The following CCDC178 variants were observed in gnomAD, a reference collection of about 807,000 sequenced individuals.
CCDC178 encodes the protein coiled-coil domain-containing protein 178.
In CCDC178, 126 loss-of-function variants were observed where a neutral mutation model predicts 117.4. The observed-to-expected ratio is 1.07, with a 90% CI of 0.93 to 1.24. The LOEUF is 1.24. CCDC178 is among the 50% of genes most tolerant of loss of function. The pLI, the probability that CCDC178 is intolerant of heterozygous loss-of-function variation, is 0.00. For missense variants in CCDC178, 1,030 were observed against 986.9 expected, an observed-to-expected ratio of 1.04 and a Z score of -0.59; for synonymous variants, 283 against 313.4, an observed-to-expected ratio of 0.90 and a Z score of 1.02.
At chr18:33,104,452 C>A (rs2057675643) in intron 20 of CCDC178, among the ~76,000 whole-genome samples, 1 of 151,600 alleles carries the variant, frequency 6.6e-6, no homozygotes, top group Non-Finnish European at 1.5e-5. Context: ...ATTTTTCTAT[C>A]TTCTCTTTTC....
At chr18:33,432,894 G>A (rs1326220983) in intron 2 of CCDC178, among the ~76,000 whole-genome samples, 1 of 152,134 alleles carries the variant, frequency 6.6e-6, no homozygotes, top group Non-Finnish European at 1.5e-5. Flanking sequence ...TGGTATTAAG[G>A]CATATGAAAT....
At chr18:33,315,446 C>T (rs560029477) in intron 11 of CCDC178, among the ~76,000 whole-genome samples, 2 of 152,158 alleles carry the variant, frequency 1.3e-5, no homozygotes, top group African/African-American at 2.4e-5. Flanking sequence ...TGATTTCACC[C>T]GGTTTCTACC....
intron 21 of CCDC178, among the ~76,000 whole-genome samples, chr18:33,053,000 C>T (rs1006416685): frequency 2.0e-5 from 3 of 152,214 alleles, no homozygotes; most frequent in Admixed American, 6.5e-5. Context: ...CCAATGATTG[C>T]AACATAGCCT....
intron 20 of CCDC178, among the ~76,000 whole-genome samples, chr18:33,107,063 G>T (rs1162487054): frequency 1.3e-5 from 2 of 151,658 alleles, no homozygotes; most frequent in East Asian, 3.9e-4. Context: ...GGGGAATACA[G>T]CCCTGGCAAC....
chr18:33,220,572 A>G (rs187972834), intron 18 of CCDC178, among the ~76,000 whole-genome samples: 127 of 152,180 alleles, frequency 8.3e-4, no homozygotes, highest in African/African-American at 3.0e-3. Context: ...CTACTTGGGA[A>G]TTTAACCTCT....
intron 11 of CCDC178, 84 bp from the exon 12 acceptor site, chr18:33,293,396 C>T: frequency 2.4e-6 from 2 of 833,244 alleles, no homozygotes; most frequent in South Asian, 2.1e-5. Context: ...CTTGGTGGCT[C>T]ATGCCTGTAA....
At chr18:33,400,781 C>A (rs1433016542) in intron 3 of CCDC178, among the ~76,000 whole-genome samples, 1 of 152,148 alleles carries the variant, frequency 6.6e-6, no homozygotes, top group East Asian at 1.9e-4. Flanking sequence ...ACGTTTAATT[C>A]CCTTCAAGAA....
At chr18:33,415,513 G>C (rs946984943) in intron 2 of CCDC178, among the ~76,000 whole-genome samples, 1 of 150,326 alleles carries the variant, frequency 6.7e-6, no homozygotes, top group Non-Finnish European at 1.5e-5. Context: ...AGAACACATG[G>C]ACACAGGAAG....
chr18:33,193,112 A>C (rs1598984254), intron 20 of CCDC178, among the ~76,000 whole-genome samples: 1 of 149,806 alleles, frequency 6.7e-6, no homozygotes, highest in African/African-American at 2.5e-5. Context: ...AATACAAAAA[A>C]ATTAGCCGGG....
chr18:33,092,783 G>A lies in CCDC178; in HGVS notation c.2366C>T (p.Thr789Ile), dbSNP rs760202538. 2 of 1,532,460 alleles carry A rather than the reference G, an allele frequency of 1.3e-6. No homozygotes were observed. Among genetic ancestry groups the A allele is most frequent in the African/African-American group, 1.4e-5 (1 of 71,678 alleles). The allele number at this position is 1,532,460 out of a possible 1,614,324, so 94.9% of individuals were successfully genotyped here. A position where few individuals can be genotyped will look rare whatever the true frequency, so the allele number is the denominator to read the frequency against. The change falls in exon 21 of 23, where the codon ACT (threonine) becomes ATT (isoleucine). Residue 789 changes from threonine (T) to isoleucine (I), a missense_variant. Thr to Ile is a moderately conservative substitution (Grantham distance 89). Coordinates refer to ENST00000383096, the MANE Select transcript of CCDC178 (RefSeq NM_001105528.4). ...NIYDKQLSLD[T>I]SIRDKKQLCQ... is the part of the protein sequence containing the mutation. ...TACCTGTTTCTTATCTCTAATTGAAGTATCAAGTGATAGCTGTTTATCATA... is the reference window on the plus strand; with the variant it reads ...TACCTGTTTCTTATCTCTAATTGAAATATCAAGTGATAGCTGTTTATCATA...
chr18:33,059,254 A>C (rs531977856), intron 21 of CCDC178, among the ~76,000 whole-genome samples: 35 of 152,260 alleles, frequency 2.3e-4, no homozygotes, highest in Middle Eastern at 3.4e-3. Context: ...GGAAGTATTG[A>C]CTCAAAAGCA....
intron 5 of CCDC178, among the ~76,000 whole-genome samples, chr18:33,388,537 T>TTTTTTTTTTTTTTTTG: frequency 8.6e-6 from 1 of 115,850 alleles, no homozygotes; most frequent in African/African-American, 3.3e-5. Flanking sequence ...TTTTTTTTTT[T>TTTTTTTTTTTTTTTTG]GAGACGGAGT....
rs79797090 is a variant in CCDC178 at position 33,282,514 on chromosome 18, C to A, written c.1176+10645G>T. 9.5e-3 allele frequency among the ~76,000 whole-genome samples: 1,452 copies of A among 152,268 alleles called. 16 individuals are homozygous for A. Among genetic ancestry groups the A allele is most frequent in the Non-Finnish European group, 0.017 (1,124 of 68,008 alleles). On this transcript the variant is annotated intron_variant, in intron 12 of 22. Coordinates refer to ENST00000383096, the MANE Select transcript of CCDC178 (RefSeq NM_001105528.4). ...CTCCTGGGTCCCCAGCCTGGCCATA[C>A]TTGCTTATAGGGCAGTCTCGAGTGG...
At chr18:33,054,518 A>G (rs1225675154) in intron 21 of CCDC178, among the ~76,000 whole-genome samples, 1 of 152,122 alleles carries the variant, frequency 6.6e-6, no homozygotes, top group African/African-American at 2.4e-5. Flanking sequence ...GAGAACATGC[A>G]GTGTTTGGTT....
intron 20 of CCDC178, among the ~76,000 whole-genome samples, chr18:33,136,539 G>A (rs2058128933): frequency 6.6e-6 from 1 of 152,096 alleles, no homozygotes; most frequent in Non-Finnish European, 1.5e-5. Flanking sequence ...CTTAGCAATA[G>A]AGCAACAGGG....
intron 6 of CCDC178, among the ~76,000 whole-genome samples, chr18:33,361,743 C>G (rs1489353967): frequency 6.6e-6 from 1 of 151,774 alleles, no homozygotes; most frequent in East Asian, 1.9e-4. Context: ...CAAATTAAAA[C>G]CACTATGAGA....
intron 21 of CCDC178, among the ~76,000 whole-genome samples, chr18:33,063,167 G>C (rs574658348): frequency 6.6e-6 from 1 of 152,278 alleles, no homozygotes; most frequent in East Asian, 1.9e-4. Flanking sequence ...ATTGCCACTG[G>C]CATTGCACAG....
At chr18:32,972,624 G>T (rs1300854338) in intron 22 of CCDC178, among the ~76,000 whole-genome samples, 3 of 151,938 alleles carry the variant, frequency 2.0e-5, no homozygotes. Context: ...GCAGAAACAG[G>T]GAAGAGTATA....
rs2057816587 is a variant in CCDC178 at position 33,113,860 on chromosome 18, C to G, written c.2239-20950G>C. 3.9e-5 allele frequency among the ~76,000 whole-genome samples: 6 copies of G among 152,090 alleles called. No homozygotes were observed. In the South Asian group the frequency reaches 1.2e-3, roughly 32 times the overall value. Reference sequence around the variant, plus strand: ...AGGGGCTTGTTAAAAGAATGCTTCACCTTAGTGGTGGTTTAGATTCTTCCC... The same window carrying G: ...AGGGGCTTGTTAAAAGAATGCTTCAGCTTAGTGGTGGTTTAGATTCTTCCC... On this transcript the variant is annotated intron_variant, in intron 20 of 22. Coordinates refer to ENST00000383096, the MANE Select transcript of CCDC178 (RefSeq NM_001105528.4).
Sources: gnomAD v4.1 joint callset for allele counts (sites outside exome capture counted in the v4.1 genomes callset) on GRCh38, gnomAD v4.1.1 for gene constraint, MANE v1.5 for transcripts, NCBI Gene and HGNC (gene_info 2026-07-23, HGNC 2026-07-21) for gene names.